AP2B1: variants seen among roughly 807,000 people sequenced by gnomAD.
The protein encoded by AP2B1 is adaptor related protein complex 2 subunit beta 1, also known as AP-2 complex subunit beta.
AP2B1 carries 23 observed loss-of-function variants against 102.0 expected under a neutral mutation model. That is an observed-to-expected ratio of 0.23 (90% CI 0.16 to 0.32). The LOEUF (loss-of-function observed/expected upper bound fraction) is 0.32. AP2B1 is among the 10% of genes least tolerant of loss of function. The pLI, the probability that AP2B1 is intolerant of heterozygous loss-of-function variation, is 1.00. For missense variants in AP2B1, 541 were observed against 1,157.4 expected (o/e 0.47, Z 7.73); for synonymous variants, 381 against 421.2 (o/e 0.90, Z 1.17).
rs587721827 is a variant in AP2B1 at position 35,702,397 on chromosome 17, A to G, written c.2455-6827A>G. ...GTAGACAGAAGAAACAGCAAATGCA[A>G]AAAGCCATGAAGTAGGAGTGTACCT... is the stretch of plus-strand genomic sequence containing the variant. On this transcript the variant is annotated intron_variant, in intron 18 of 21. Transcript: ENST00000610402. Among the ~76,000 whole-genome samples, 7 of 152,348 alleles carry G rather than the reference A, an allele frequency of 4.6e-5. No homozygotes were observed. The South Asian group carries it at 1.0e-3, about 23-fold the overall frequency.
chr17:35,722,283 G>A (rs1463758237), intron 21 of AP2B1, among the ~76,000 whole-genome samples: 1 of 152,116 alleles, frequency 6.6e-6, no homozygotes, highest in Non-Finnish European at 1.5e-5. Flanking sequence ...GAAAGTCAGG[G>A]AAATGCCTAA....
At chr17:35,593,630 G>A (rs764447485) in intron 1 of AP2B1, among the ~76,000 whole-genome samples, 26 of 152,004 alleles carry the variant, frequency 1.7e-4, no homozygotes, top group Non-Finnish European at 3.1e-4. Flanking sequence ...TATATGTTTT[G>A]GAGTGATTCC....
intron 9 of AP2B1, among the ~76,000 whole-genome samples, chr17:35,633,937 A>C (rs2074534733): frequency 6.6e-6 from 1 of 152,194 alleles, no homozygotes; most frequent in African/African-American, 2.4e-5. Flanking sequence ...ACTTGAGGCC[A>C]GGAGTTCGAG....
At position 35,725,709 on chromosome 17, in the gene AP2B1, TAC is replaced by T. The variant is rs781953073; in HGVS notation, c.*2012_*2013del. 2.6e-5 allele frequency: 4 copies of T among 152,636 alleles called. No homozygotes were observed. Among genetic ancestry groups the T allele is most frequent in the Non-Finnish European group, 5.9e-5 (4 of 68,052 alleles). 9.5% of individuals were successfully genotyped at this position (152,636 alleles called of 1,614,324 possible). On this transcript the variant is annotated 3_prime_UTR_variant, in exon 22 of 22. Transcript: ENST00000610402. ...GGGACTTATTCCTGGAGTCAGTGGATACAAGTAGTGCAGAAGGTTCACACTGC... is the reference window on the plus strand; with the variant it reads ...GGGACTTATTCCTGGAGTCAGTGGATAAGTAGTGCAGAAGGTTCACACTGC...
chr17:35,627,393 T>A lies in AP2B1; in HGVS notation c.947T>A (p.Ile316Asn). 5 of 1,613,420 alleles carry A rather than the reference T, an allele frequency of 3.1e-6. No individual in the cohort carries two copies. Among genetic ancestry groups the A allele is most frequent in the Non-Finnish European group, 4.2e-6 (5 of 1,179,910 alleles). Residue 316 changes from isoleucine to asparagine, a missense_variant, in exon 8 of 22, where the codon ATC (isoleucine) becomes AAC (asparagine). Physicochemically the swap from Ile to Asn is moderately radical, Grantham distance 149. This residue lies in a region of AP2B1 where 134 missense variants were observed against 250.2 expected (regional missense o/e 0.54). Transcript: ENST00000610402. ...INLIVQKRPE[I>N]LKQEIKVFFV... is the part of the protein sequence containing the mutation. ...GTTTCTGTGTACCCTAGGCCTGAAA[T>A]CTTGAAGCAGGAAATCAAAGTCTTC...
At chr17:35,643,430 A>T (rs1325306591) in intron 12 of AP2B1, among the ~76,000 whole-genome samples, 1 of 152,212 alleles carries the variant, frequency 6.6e-6, no homozygotes, top group Admixed American at 6.5e-5. Flanking sequence ...TCTCAACCTT[A>T]TCATCATTGT....
chr17:35,650,091 A>G (rs955938822), intron 12 of AP2B1, among the ~76,000 whole-genome samples: 4 of 152,074 alleles, frequency 2.6e-5, no homozygotes, highest in Admixed American at 2.6e-4. Flanking sequence ...CTGGGATTAC[A>G]GGCACACGCC....
chr17:35,703,196 C>T (rs1298883480), intron 18 of AP2B1, among the ~76,000 whole-genome samples: 5 of 135,904 alleles, frequency 3.7e-5, no homozygotes, highest in South Asian at 2.4e-4. Flanking sequence ...ACCTGGGAGG[C>T]GGAGCTTGCA....
intron 9 of AP2B1, among the ~76,000 whole-genome samples, chr17:35,633,300 C>T (rs1040655333): frequency 6.8e-6 from 1 of 146,916 alleles, no homozygotes; most frequent in African/African-American, 2.5e-5. Context: ...TGGGAGGTTG[C>T]AATGAGCATA....
At chr17:35,620,421 G>C (rs2074141515) in intron 5 of AP2B1, among the ~76,000 whole-genome samples, 1 of 152,066 alleles carries the variant, frequency 6.6e-6, no homozygotes, top group South Asian at 2.1e-4. Flanking sequence ...CTGTAGCCTG[G>C]GTGACGGGCA....
At chr17:35,613,926 T>A (rs1471327322) in intron 5 of AP2B1, among the ~76,000 whole-genome samples, 2 of 152,170 alleles carry the variant, frequency 1.3e-5, no homozygotes, top group Non-Finnish European at 2.9e-5. Context: ...GGAAATAGCT[T>A]TTGTGGTTTT....
intron 18 of AP2B1, among the ~76,000 whole-genome samples, chr17:35,708,735 G>A (rs368048838): frequency 5.9e-5 from 9 of 152,244 alleles, no homozygotes; most frequent in African/African-American, 1.4e-4. Flanking sequence ...AAGGTTTAGC[G>A]TCAAGTTTCT....
In AP2B1 at chr17:35,717,400, G is replaced by A. The variant is rs587609021; in HGVS notation, c.2781+51G>A. 1.7e-4 allele frequency: 280 copies of A among 1,601,896 alleles called. No homozygotes were observed. The East Asian group carries it at 6.2e-3, about 35-fold the overall frequency. ...GATGGATTAGAGGAGGGAGGTGAGAGCCCTTTCATGTTTACTTAGCACCCT... is the reference window on the plus strand; with the variant it reads ...GATGGATTAGAGGAGGGAGGTGAGAACCCTTTCATGTTTACTTAGCACCCT... On this transcript the variant is annotated intron_variant, in intron 21 of 21. Coordinates refer to ENST00000610402, the MANE Select transcript of AP2B1 (RefSeq NM_001030006.2).
intron 16 of AP2B1, among the ~76,000 whole-genome samples, chr17:35,672,955 C>T (rs1313445378): frequency 1.3e-5 from 2 of 152,124 alleles, no homozygotes; most frequent in Non-Finnish European, 2.9e-5. Flanking sequence ...TTGAACATTC[C>T]GTGTCAGTGG....
chr17:35,628,611 G>A (rs1013026757), intron 9 of AP2B1, among the ~76,000 whole-genome samples: 8 of 133,492 alleles, frequency 6.0e-5, no homozygotes, highest in African/African-American at 7.5e-5. Flanking sequence ...AGAGCAAGAC[G>A]CTGTCTCAAA....
At chr17:35,672,816 A>G (rs1362967595) in intron 16 of AP2B1, among the ~76,000 whole-genome samples, 2 of 151,880 alleles carry the variant, frequency 1.3e-5, no homozygotes, top group African/African-American at 4.9e-5. Context: ...ACCAACGTAA[A>G]TAATGTAAAA....
At chr17:35,712,751 A>G (rs1555588242) in intron 20 of AP2B1, among the ~76,000 whole-genome samples, 1 of 152,280 alleles carries the variant, frequency 6.6e-6, no homozygotes, top group Non-Finnish European at 1.5e-5. Flanking sequence ...AGCAGACTAA[A>G]AGTTCTGAGA....
intron 7 of AP2B1, 82 bp from the exon 8 acceptor site, chr17:35,627,303 C>A: frequency 2.4e-6 from 2 of 829,790 alleles, no homozygotes; most frequent in South Asian, 2.0e-5. Context: ...CAGAGAGGCA[C>A]AGATTAGGTA....
chr17:35,604,631 G>A (rs751664128), intron 3 of AP2B1, among the ~76,000 whole-genome samples: 3 of 152,068 alleles, frequency 2.0e-5, no homozygotes, highest in South Asian at 2.1e-4. Context: ...GGTGGCGCAC[G>A]CCTGTAATCT....
Sources: gnomAD v4.1 joint callset for allele counts (sites outside exome capture counted in the v4.1 genomes callset) on GRCh38, gnomAD v4.1.1 for gene constraint, gnomAD v4.1.1 regional missense constraint, MANE v1.5 for transcripts, NCBI Gene and HGNC (gene_info 2026-07-23, HGNC 2026-07-21) for gene names.